The following SDK1 variants were observed in gnomAD, a reference collection of about 807,000 sequenced individuals.
SDK1 encodes sidekick cell adhesion molecule 1, also known as protein sidekick-1.
SDK1 carries 157 observed loss-of-function variants against 245.5 expected under a neutral mutation model. The observed-to-expected ratio is 0.64, with a 90% CI of 0.56 to 0.73. SDK1 has a LOEUF of 0.73. Ranked by LOEUF, SDK1 falls within the 30% of genes least tolerant of loss-of-function variation. The probability of loss-of-function intolerance (pLI) is 0.00; values close to 1 mark genes in which losing one functional copy is unlikely to be tolerated. For missense variants in SDK1, 3,583 were observed against 3,002.3 expected (o/e 1.19, Z -4.52); for synonymous variants, 1,647 against 1,278.5 (o/e 1.29, Z -6.15).
At chr7:3,978,586 T>C (rs1030321597) in intron 13 of SDK1, among the ~76,000 whole-genome samples, 1 of 152,192 alleles carries the variant, frequency 6.6e-6, no homozygotes, top group Non-Finnish European at 1.5e-5. Context: ...GGAAAGGTGT[T>C]CCTTCATGGG....
intron 4 of SDK1, among the ~76,000 whole-genome samples, chr7:3,809,594 G>A (rs1482123934): frequency 2.0e-5 from 3 of 152,188 alleles, no homozygotes; most frequent in African/African-American, 7.2e-5. Flanking sequence ...GTGACAGACT[G>A]GAAAGGTGAT....
intron 1 of SDK1, among the ~76,000 whole-genome samples, chr7:3,592,931 C>T (rs1187290194): frequency 2.0e-5 from 3 of 152,152 alleles, no homozygotes; most frequent in Non-Finnish European, 2.9e-5. Context: ...GTCCTCCTGC[C>T]CTCTGCAGGC....
At chr7:3,364,784 T>A (rs1562442447) in intron 1 of SDK1, among the ~76,000 whole-genome samples, 1 of 152,222 alleles carries the variant, frequency 6.6e-6, no homozygotes, top group Admixed American at 6.5e-5. Flanking sequence ...CAGATAAATT[T>A]TAGCATACAC....
intron 4 of SDK1, among the ~76,000 whole-genome samples, chr7:3,653,300 G>A (rs1194734642): frequency 6.6e-6 from 1 of 152,130 alleles, no homozygotes; most frequent in African/African-American, 2.4e-5. Flanking sequence ...CAGGGTCCAC[G>A]TGTAAGCTGT....
At chr7:4,226,482 C>T (rs1340891143) in intron 40 of SDK1, among the ~76,000 whole-genome samples, 1 of 152,262 alleles carries the variant, frequency 6.6e-6, no homozygotes, top group African/African-American at 2.4e-5. Context: ...CTTACACCCC[C>T]CGCACATTCT....
intron 44 of SDK1, among the ~76,000 whole-genome samples, chr7:4,264,548 T>TGAGTGAGGGAGGCCGCGTGGACCTCTCCC: frequency 7.9e-6 from 1 of 126,126 alleles, no homozygotes; most frequent in Non-Finnish European, 1.6e-5. Context: ...GGACCTCTCC[T>TGAGTGAGGGAGGCCGCGTGGACCTCTCCC]GAGTGAGGGA....
intron 4 of SDK1, among the ~76,000 whole-genome samples, chr7:3,648,790 G>T (rs189500237): frequency 4.6e-4 from 70 of 152,254 alleles, no homozygotes; most frequent in Admixed American, 3.6e-3. Flanking sequence ...GCCATATTTG[G>T]TATAAGTAAA....
chr7:3,612,934 G>A (rs1233905865), intron 1 of SDK1, among the ~76,000 whole-genome samples: 2 of 152,038 alleles, frequency 1.3e-5, no homozygotes, highest in African/African-American at 2.4e-5. Context: ...TTGTGGTACA[G>A]TTGATTCTTC....
intron 1 of SDK1, among the ~76,000 whole-genome samples, chr7:3,504,593 G>A (rs980225304): frequency 5.3e-5 from 8 of 152,092 alleles, no homozygotes; most frequent in Non-Finnish European, 1.0e-4. Flanking sequence ...ATTGTGCTGG[G>A]ACAACTGGAT....
intron 1 of SDK1, among the ~76,000 whole-genome samples, chr7:3,322,647 A>T (rs1347452461): frequency 3.9e-5 from 6 of 152,054 alleles, no homozygotes; most frequent in African/African-American, 9.7e-5. Flanking sequence ...TTCCTTTTTT[A>T]AAAAAAATTC....
At position 4,165,625 on chromosome 7, in the gene SDK1, G is replaced by A. The variant is rs371295262; in HGVS notation, c.4800+3769G>A. 2.2e-3 allele frequency among the ~76,000 whole-genome samples: 328 copies of A among 152,154 alleles called. 13 individuals carry two copies. The South Asian group carries it at 0.063, about 29-fold the overall frequency. On this transcript the variant is annotated intron_variant, in intron 32 of 44. Coordinates refer to ENST00000404826, the MANE Select transcript of SDK1 (RefSeq NM_152744.4). The stretch of plus-strand genomic sequence containing the variant: ...CTGCCTCAGCCTTCTAAGTAGCTGG[G>A]ATTACAGGCCTGCACCACCATACCT...
chr7:4,017,371 C>A lies in SDK1; in HGVS notation c.2602+19C>A. On this transcript the variant is annotated intron_variant, in intron 17 of 44. Coordinates refer to ENST00000404826, the MANE Select transcript of SDK1 (RefSeq NM_152744.4). Reference sequence around the variant, plus strand: ...CAGGGAGGTAAGCTTGTCTCCAAAACCACGAGGTGGCGGGATCTTTGCCGG... The same window carrying A: ...CAGGGAGGTAAGCTTGTCTCCAAAAACACGAGGTGGCGGGATCTTTGCCGG... 6.3e-7 allele frequency: 1 copy of A among 1,589,506 alleles called. No homozygotes were observed. Among genetic ancestry groups the A allele is most frequent in the Non-Finnish European group, 8.6e-7 (1 of 1,164,430 alleles).
At chr7:3,925,174 C>A (rs906107815) in intron 5 of SDK1, among the ~76,000 whole-genome samples, 1 of 152,168 alleles carries the variant, frequency 6.6e-6, no homozygotes, top group Non-Finnish European at 1.5e-5. Context: ...TAGTTTAGGA[C>A]TGAAGCCCCA....
chr7:4,211,344 G>A (rs974226465), intron 38 of SDK1, among the ~76,000 whole-genome samples: 6 of 152,316 alleles, frequency 3.9e-5, no homozygotes, highest in African/African-American at 1.2e-4. Context: ...GAGAACGGGT[G>A]GCAGAGATTC....
At chr7:3,802,582 AT>A (rs1324614413) in intron 4 of SDK1, among the ~76,000 whole-genome samples, 1 of 151,412 alleles carries the variant, frequency 6.6e-6, no homozygotes, top group African/African-American at 2.4e-5. Flanking sequence ...ACAGACATCC[AT>A]CCCCCTTGTG....
At chr7:3,420,337 C>T (rs1003378198) in intron 1 of SDK1, among the ~76,000 whole-genome samples, 11 of 152,182 alleles carry the variant, frequency 7.2e-5, no homozygotes, top group African/African-American at 2.7e-4. Flanking sequence ...TGATGGATTG[C>T]CAGCAGCAGG....
intron 4 of SDK1, among the ~76,000 whole-genome samples, chr7:3,642,356 C>T (rs1013551319): frequency 2.0e-5 from 3 of 152,136 alleles, no homozygotes; most frequent in African/African-American, 7.2e-5. Flanking sequence ...GCAGCCTTAC[C>T]CAACTTTGCA....
chr7:4,041,547 T>C (rs1256609870), intron 17 of SDK1, among the ~76,000 whole-genome samples: 2 of 152,058 alleles, frequency 1.3e-5, no homozygotes, highest in Non-Finnish European at 2.9e-5. Context: ...GTATCCCCCG[T>C]TATAGCCTAC....
At chr7:3,847,835 T>G (rs759868394) in intron 5 of SDK1, among the ~76,000 whole-genome samples, 1 of 152,268 alleles carries the variant, frequency 6.6e-6, no homozygotes, top group Non-Finnish European at 1.5e-5. Context: ...CACCATTTTC[T>G]ATTTCAAAAG....
Sources: allele counts gnomAD v4.1 joint callset (sites outside exome capture counted in the v4.1 genomes callset), GRCh38; gene constraint gnomAD v4.1.1; transcripts MANE v1.5; gene names NCBI Gene and HGNC (gene_info 2026-07-23, HGNC 2026-07-21).